The following CRYBA4 variants were observed in gnomAD, a reference collection of about 807,000 sequenced individuals.
The protein encoded by CRYBA4 is crystallin beta A4.
Under a neutral mutation model 31.7 loss-of-function variants are expected in CRYBA4, and 30 were observed. The ratio of observed to expected loss-of-function variants is 0.95; its 90% confidence interval spans 0.71 to 1.28. CRYBA4 has a LOEUF of 1.28. Ranked by LOEUF, CRYBA4 falls within the 50% of genes most tolerant of loss-of-function variation. CRYBA4 has a pLI of 0.00. For missense variants in CRYBA4, 225 were observed against 260.7 expected (o/e 0.86, Z 0.94); for synonymous variants, 102 against 102.3 (o/e 1.00, Z 0.02).
chr22:26,621,071 T>A (rs141453483), upstream of CRYBA4, among the ~76,000 whole-genome samples: 48 of 152,306 alleles, frequency 3.2e-4, no homozygotes, highest in African/African-American at 1.0e-3. Context: ...CAAGTATGTA[T>A]GTATGAGGGA....
the CRYBA4 span, chr22:26,616,267 C>T: frequency 6.2e-7 from 1 of 1,614,012 alleles, no homozygotes; most frequent in Non-Finnish European, 8.5e-7. Flanking sequence ...GGTGTCAGGC[C>T]CTGGGTTCAC....
At chr22:26,629,827 A>G (rs1929867602) in intron 5 of CRYBA4, among the ~76,000 whole-genome samples, 1 of 151,882 alleles carries the variant, frequency 6.6e-6, no homozygotes, top group African/African-American at 2.4e-5. Flanking sequence ...GAAAGGGGAA[A>G]GAACAAGACT....
intron 4 of CRYBA4, among the ~76,000 whole-genome samples, chr22:26,627,524 CTCTT>C (rs1929784153): frequency 1.6e-5 from 1 of 62,172 alleles, no homozygotes; most frequent in East Asian, 4.1e-4. Flanking sequence ...TTCTTTCTTT[CTCTT>C]TCTTTCCTTT....
At chr22:26,625,156 G>T (rs1399631722) in intron 3 of CRYBA4, among the ~76,000 whole-genome samples, 1 of 152,166 alleles carries the variant, frequency 6.6e-6, no homozygotes, top group Non-Finnish European at 1.5e-5. Flanking sequence ...CTACCTATGG[G>T]ACACACAGCA....
chr22:26,592,101 A>G, the CRYBA4 span, among the ~76,000 whole-genome samples: 1 of 152,212 alleles, frequency 6.6e-6, no homozygotes, highest in East Asian at 1.9e-4. Context: ...TGGTCTGGAA[A>G]CAATACAACA....
In CRYBA4 at chr22:26,627,412, CTTT is replaced by C. The variant is rs1569211738; in HGVS notation, c.301-875_301-873del. ...TCTTTCTTTCTTTCTTTCTTTCTTTCTTTCTTTCTTTCTTTTTCTTTCTTTCTT... is the reference window on the plus strand; with the variant it reads ...TCTTTCTTTCTTTCTTTCTTTCTTTCCTTTCTTTCTTTTTCTTTCTTTCTT... On this transcript the variant is annotated intron_variant, in intron 4 of 5. Coordinates refer to ENST00000354760, the MANE Select transcript of CRYBA4 (RefSeq NM_001886.3). Among the ~76,000 whole-genome samples, 351 of 79,012 alleles carry C rather than the reference CTTT, an allele frequency of 4.4e-3. 17 individuals carry two copies. The highest frequency in any genetic ancestry group is 9.3e-3 in the African/African-American group (121 of 13,046). The allele number at this position is 79,012 out of a possible 152,430, so 51.8% of individuals were successfully genotyped here.
chr22:26,612,020 G>T, the CRYBA4 span: 1 of 1,323,894 alleles, frequency 7.6e-7, no homozygotes. Flanking sequence ...CTACTGTTGT[G>T]TGGTCATTTT....
At chr22:26,623,441 C>A in intron 3 of CRYBA4, 89 bp downstream of exon 3, 1 of 1,015,960 alleles carries the variant, frequency 9.8e-7, no homozygotes. Context: ...ATTCTAGGTC[C>A]CCTCTCCCTA....
At chr22:26,615,358 A>G in the CRYBA4 span, among the ~76,000 whole-genome samples, 1 of 151,434 alleles carries the variant, frequency 6.6e-6, no homozygotes, top group African/African-American at 2.4e-5. Flanking sequence ...AAGCCAGCCC[A>G]CTTCCTTTTC....
At chr22:26,594,443 C>T in the CRYBA4 span, among the ~76,000 whole-genome samples, 2 of 152,280 alleles carry the variant, frequency 1.3e-5, no homozygotes, top group African/African-American at 4.8e-5. Flanking sequence ...TGCCTCTTGT[C>T]GATGAGAATG....
At chr22:26,602,006 T>C in the CRYBA4 span, 1 of 1,613,814 alleles carries the variant, frequency 6.2e-7, no homozygotes, top group East Asian at 2.2e-5. Context: ...AGGGAGATTT[T>C]GTGCTCCTGG....
chr22:26,625,356 T>C (rs1929668937), intron 3 of CRYBA4, 125 bp from the exon 4 acceptor site: 3 of 1,106,596 alleles, frequency 2.7e-6, no homozygotes, highest in Non-Finnish European at 3.9e-6. Flanking sequence ...CATCGTCAAG[T>C]GTTTCCTGGG....
the CRYBA4 span, chr22:26,616,048 G>T: frequency 9.9e-7 from 1 of 1,007,366 alleles, no homozygotes; most frequent in Non-Finnish European, 1.6e-6. Flanking sequence ...GGAGTAAGAG[G>T]TGAAAGAGGA....
At chr22:26,608,810 C>A in the CRYBA4 span, among the ~76,000 whole-genome samples, 40 of 151,684 alleles carry the variant, frequency 2.6e-4, no homozygotes, top group Non-Finnish European at 4.3e-4. Context: ...TAGTATGAGG[C>A]AATGGGAAGG....
intron 4 of CRYBA4, among the ~76,000 whole-genome samples, chr22:26,626,987 G>C (rs1204135619): frequency 6.6e-6 from 1 of 152,122 alleles, no homozygotes; most frequent in African/African-American, 2.4e-5. Flanking sequence ...CACTTCCATC[G>C]TTTTTCATAG....
chr22:26,608,038 C>A, the CRYBA4 span: 27 of 1,614,004 alleles, frequency 1.7e-5, 1 homozygote, highest in South Asian at 2.9e-4. Context: ...ACAAGAAGGA[C>A]CATGAGGCAG....
chr22:26,603,139 A>AC, the CRYBA4 span, among the ~76,000 whole-genome samples: 12 of 106,306 alleles, frequency 1.1e-4, no homozygotes, highest in South Asian at 4.8e-4. Flanking sequence ...AAAAAAAAAA[A>AC]AAAAACAAAA....
chr22:26,608,336 G>T, the CRYBA4 span, among the ~76,000 whole-genome samples: 21,744 of 152,174 alleles, frequency 0.14, 1,754 homozygotes, highest in East Asian at 0.3. Flanking sequence ...TAGATGTAAG[G>T]TTCATACATG....
the CRYBA4 span, among the ~76,000 whole-genome samples, chr22:26,591,883 G>C: frequency 1.2e-5 from 1 of 83,074 alleles, no homozygotes; most frequent in Non-Finnish European, 2.4e-5. Context: ...ACTCCATCCT[G>C]GGTGAGTACA....
Sources: gnomAD v4.1 joint callset for allele counts (sites outside exome capture counted in the v4.1 genomes callset) on GRCh38, gnomAD v4.1.1 for gene constraint, MANE v1.5 for transcripts, NCBI Gene and HGNC (gene_info 2026-07-23, HGNC 2026-07-21) for gene names.